Variants in PPP2R2B observed in about 807,000 individuals in gnomAD.
The protein encoded by PPP2R2B is serine/threonine-protein phosphatase 2A 55 kDa regulatory subunit B beta isoform.
PPP2R2B carries 5 observed loss-of-function variants against 46.0 expected under a neutral mutation model. The observed-to-expected ratio is 0.11, with a 90% CI of 0.06 to 0.23. The LOEUF (loss-of-function observed/expected upper bound fraction) is 0.23, where lower values mean the gene tolerates loss of function less well. PPP2R2B is among the 10% of genes least tolerant of loss of function. The probability of loss-of-function intolerance (pLI) is 1.00; values close to 1 mark genes in which losing one functional copy is unlikely to be tolerated. For synonymous variants in PPP2R2B, 215 were observed against 206.7 expected (o/e 1.04, Z -0.34); for missense variants, 367 against 575.0 (o/e 0.64, Z 3.70).
intron 2 of PPP2R2B, among the ~76,000 whole-genome samples, chr5:146,824,885 T>G (rs1403150276): frequency 6.6e-6 from 1 of 152,008 alleles, no homozygotes; most frequent in Non-Finnish European, 1.5e-5. Flanking sequence ...ACCTGGCTAA[T>G]TTTTTGTGTG....
intron 1 of PPP2R2B, among the ~76,000 whole-genome samples, chr5:147,001,496 T>G (rs1754175607): frequency 6.6e-6 from 1 of 152,064 alleles, no homozygotes; most frequent in South Asian, 2.1e-4. Context: ...AGGAAGAAAC[T>G]CTGGACACAT....
intron 1 of PPP2R2B, among the ~76,000 whole-genome samples, chr5:146,897,479 A>T (rs1168856919): frequency 6.6e-6 from 1 of 152,206 alleles, no homozygotes; most frequent in Non-Finnish European, 1.5e-5. Context: ...TACAAAATAC[A>T]AGATAATCTC....
At chr5:146,656,783 C>A (rs1481562384) in intron 5 of PPP2R2B, 2 of 152,262 alleles carry the variant, frequency 1.3e-5, no homozygotes, top group African/African-American at 4.8e-5. Flanking sequence ...GGCCGGATCA[C>A]CACCTTCACT....
chr5:146,661,886 A>G (rs923936197), intron 5 of PPP2R2B, among the ~76,000 whole-genome samples: 2 of 152,204 alleles, frequency 1.3e-5, no homozygotes, highest in African/African-American at 2.4e-5. Flanking sequence ...TGCCACAAGA[A>G]AAAAAGAGAC....
At chr5:146,606,007 T>A (rs1772226739) in intron 7 of PPP2R2B, among the ~76,000 whole-genome samples, 1 of 152,168 alleles carries the variant, frequency 6.6e-6, no homozygotes, top group South Asian at 2.1e-4. Flanking sequence ...GGTAAATAAA[T>A]AAGGTTCCAG....
At chr5:146,701,207 G>A in intron 2 of PPP2R2B, 65 bp from the exon 3 acceptor site, 1 of 1,294,944 alleles carries the variant, frequency 7.7e-7, no homozygotes, top group Non-Finnish European at 1.1e-6. Flanking sequence ...ATAGATAATA[G>A]ATATACTTTT....
intron 2 of PPP2R2B, among the ~76,000 whole-genome samples, chr5:146,711,674 G>T (rs762624317): frequency 6.6e-6 from 1 of 152,116 alleles, no homozygotes; most frequent in African/African-American, 2.4e-5. Flanking sequence ...TGAGATGAAA[G>T]GACTCGATTT....
chr5:147,029,051 G>A (rs1580826203), intron 1 of PPP2R2B, among the ~76,000 whole-genome samples: 2 of 152,226 alleles, frequency 1.3e-5, no homozygotes, highest in South Asian at 4.1e-4. Context: ...TGTTAAGTCT[G>A]TTGGTAGTCA....
At chr5:146,786,104 G>A (rs1373140851) in intron 2 of PPP2R2B, among the ~76,000 whole-genome samples, 1 of 151,990 alleles carries the variant, frequency 6.6e-6, no homozygotes, top group Non-Finnish European at 1.5e-5. Context: ...CTGATATGAC[G>A]ATTACACATT....
chr5:146,806,671 G>A (rs944431380), intron 2 of PPP2R2B, among the ~76,000 whole-genome samples: 3 of 152,216 alleles, frequency 2.0e-5, no homozygotes, highest in East Asian at 1.9e-4. Flanking sequence ...TCTGGGAGAA[G>A]AGTCAGCATA....
chr5:146,775,420 G>C (rs984824442), intron 2 of PPP2R2B, among the ~76,000 whole-genome samples: 1 of 152,178 alleles, frequency 6.6e-6, no homozygotes, highest in African/African-American at 2.4e-5. Context: ...CAAAGAAAAA[G>C]CATTTGACAA....
intron 1 of PPP2R2B, among the ~76,000 whole-genome samples, chr5:147,025,603 TAA>T (rs945582447): frequency 6.6e-6 from 1 of 151,988 alleles, no homozygotes; most frequent in Non-Finnish European, 1.5e-5. Context: ...TTCTGCTATG[TAA>T]AAGATACCGT....
chr5:146,762,622 A>G (rs530176608), intron 2 of PPP2R2B, among the ~76,000 whole-genome samples: 1 of 152,300 alleles, frequency 6.6e-6, no homozygotes, highest in South Asian at 2.1e-4. Context: ...CATTCTATTC[A>G]TCTCCATATA....
intron 5 of PPP2R2B, among the ~76,000 whole-genome samples, chr5:146,661,342 G>C (rs566611869): frequency 1.3e-5 from 2 of 152,246 alleles, no homozygotes; most frequent in South Asian, 4.1e-4. Flanking sequence ...CAAATCTAGG[G>C]TGCATAGAAG....
At chr5:146,954,032 A>G (rs915340185) in intron 1 of PPP2R2B, among the ~76,000 whole-genome samples, 3 of 152,104 alleles carry the variant, frequency 2.0e-5, no homozygotes, top group Non-Finnish European at 2.9e-5. Context: ...CTTGGGGGGC[A>G]GGTGTGCATG....
At chr5:146,609,289 G>A (rs951040356) in intron 7 of PPP2R2B, among the ~76,000 whole-genome samples, 1 of 152,162 alleles carries the variant, frequency 6.6e-6, no homozygotes. Context: ...TTAAGATTTG[G>A]AACACGACAA....
chr5:146,986,076 T>C (rs1753416759), intron 1 of PPP2R2B, among the ~76,000 whole-genome samples: 1 of 152,070 alleles, frequency 6.6e-6, no homozygotes. Flanking sequence ...AGGTGAGAGA[T>C]CATACTACCT....
At chr5:147,014,528 C>T (rs1468388568) in intron 1 of PPP2R2B, among the ~76,000 whole-genome samples, 1 of 152,086 alleles carries the variant, frequency 6.6e-6, no homozygotes, top group Non-Finnish European at 1.5e-5. Flanking sequence ...AAATGTGGCA[C>T]ATATACACCA....
intron 1 of PPP2R2B, among the ~76,000 whole-genome samples, chr5:146,896,528 C>T (rs1336453843): frequency 6.6e-6 from 1 of 152,154 alleles, no homozygotes; most frequent in African/African-American, 2.4e-5. Context: ...CCATAATTCC[C>T]ATAATCATTT....
Sources: gnomAD v4.1 joint callset for allele counts (sites outside exome capture counted in the v4.1 genomes callset) on GRCh38, gnomAD v4.1.1 for gene constraint, MANE v1.5 for transcripts, NCBI Gene and HGNC (gene_info 2026-07-23, HGNC 2026-07-21) for gene names.